The following VRK1 variants were observed in gnomAD, a reference collection of about 807,000 sequenced individuals.
The protein encoded by VRK1 is VRK serine/threonine kinase 1, also known as serine/threonine-protein kinase VRK1.
A neutral mutation model predicts 57.1 loss-of-function variants in VRK1; 33 were observed. The ratio of observed to expected loss-of-function variants is 0.58; its 90% CI spans 0.44 to 0.77. VRK1 has a LOEUF of 0.77. Ranked by LOEUF, VRK1 falls within the 30% of genes least tolerant of loss-of-function variation. The probability of loss-of-function intolerance (pLI) is 0.00; values close to 1 mark genes in which losing one functional copy is unlikely to be tolerated. For synonymous variants in VRK1, 137 were observed against 147.8 expected (o/e 0.93, Z 0.53); for missense variants, 413 against 477.3 (o/e 0.87, Z 1.25).
At chr14:96,851,798 G>A (rs1048360374) in intron 5 of VRK1, among the ~76,000 whole-genome samples, 4 of 152,180 alleles carry the variant, frequency 2.6e-5, no homozygotes, top group Middle Eastern at 3.2e-3. Flanking sequence ...TATGATAGGA[G>A]TTACCTACTT....
intron 12 of VRK1, chr14:96,877,596 A>G (rs1889096174): frequency 7.8e-7 from 1 of 1,289,012 alleles, no homozygotes; most frequent in Middle Eastern, 2.2e-4. Context: ...AAAATTAAGG[A>G]GTATTTATAA....
In VRK1 at chr14:96,827,269, G is replaced by T. The variant is rs543108139; in HGVS notation, c.-5-6198G>T. 4.6e-5 allele frequency among the ~76,000 whole-genome samples: 7 copies of T among 152,254 alleles called. No homozygotes were observed. The East Asian group carries it at 1.2e-3, about 25-fold the overall frequency. On this transcript the variant is annotated intron_variant, in intron 1 of 12. Transcript: ENST00000216639. Reference sequence around the variant, plus strand: ...TTGCTCTATTTATATACTCGAGCCAGACCTTTTAAATATTTTTTCTTTTCC... The same window carrying T: ...TTGCTCTATTTATATACTCGAGCCATACCTTTTAAATATTTTTTCTTTTCC...
intron 5 of VRK1, among the ~76,000 whole-genome samples, chr14:96,849,631 T>A (rs571259064): frequency 6.6e-6 from 1 of 152,178 alleles, no homozygotes; most frequent in African/African-American, 2.4e-5. Context: ...ACTGTGAAGA[T>A]GAATTGAAAA....
chr14:96,855,857 T>C (rs1888133632), intron 8 of VRK1, among the ~76,000 whole-genome samples: 1 of 152,160 alleles, frequency 6.6e-6, no homozygotes. Context: ...AAAGGAAAAC[T>C]AGTTTTATTT....
chr14:96,840,785 A>G (rs1421748336), intron 3 of VRK1, among the ~76,000 whole-genome samples: 3 of 152,060 alleles, frequency 2.0e-5, no homozygotes, highest in Admixed American at 2.0e-4. Flanking sequence ...TCTTGGAAGG[A>G]AAGTGTGCCA....
intron 1 of VRK1, among the ~76,000 whole-genome samples, chr14:96,809,569 T>TTGCTTG (rs1457131986): frequency 2.6e-5 from 2 of 77,682 alleles, no homozygotes; most frequent in African/African-American, 8.3e-5. Context: ...TTGCTTGCTT[T>TTGCTTG]CTTTTTTTTT....
At chr14:96,826,836 G>T (rs148308577) in intron 1 of VRK1, among the ~76,000 whole-genome samples, 102 of 152,270 alleles carry the variant, frequency 6.7e-4, no homozygotes, top group Non-Finnish European at 1.3e-3. Context: ...CCTCTTTTAA[G>T]AAATTGCCTG....
chr14:96,880,714 C>G (rs1889227373), intron 12 of VRK1, among the ~76,000 whole-genome samples: 1 of 152,176 alleles, frequency 6.6e-6, no homozygotes, highest in Admixed American at 6.5e-5. Flanking sequence ...TCTCCTGCCT[C>G]AAGGGTGTAG....
chr14:96,879,209 A>C (rs1490929891), intron 12 of VRK1, among the ~76,000 whole-genome samples: 2 of 148,712 alleles, frequency 1.3e-5, no homozygotes, highest in Non-Finnish European at 3.0e-5. Context: ...TATATTATGA[A>C]AATGGTTATA....
intron 3 of VRK1, among the ~76,000 whole-genome samples, chr14:96,845,211 C>CGT (rs1555360665): frequency 6.6e-6 from 1 of 151,946 alleles, no homozygotes; most frequent in East Asian, 1.9e-4. Context: ...GCTTTAAAAA[C>CGT]TTTTTTTAAT....
intron 1 of VRK1, among the ~76,000 whole-genome samples, chr14:96,809,501 G>A (rs1310078606): frequency 6.6e-6 from 1 of 150,774 alleles, no homozygotes; most frequent in African/African-American, 2.4e-5. Context: ...ATTTTGGTTG[G>A]GTATATATGT....
chr14:96,847,888 C>T (rs1308818957), intron 5 of VRK1, among the ~76,000 whole-genome samples: 1 of 152,124 alleles, frequency 6.6e-6, no homozygotes, highest in African/African-American at 2.4e-5. Context: ...ACTTACGTGT[C>T]TTAGGAGTTC....
chr14:96,834,766 C>T (rs1887149170), intron 2 of VRK1, among the ~76,000 whole-genome samples: 1 of 152,102 alleles, frequency 6.6e-6, no homozygotes, highest in African/African-American at 2.4e-5. Flanking sequence ...TTCCAGTGAA[C>T]TAGGCTGTAT....
At chr14:96,815,406 G>T (rs1434925767) in intron 1 of VRK1, among the ~76,000 whole-genome samples, 3 of 152,070 alleles carry the variant, frequency 2.0e-5, no homozygotes, top group African/African-American at 7.2e-5. Context: ...CAAAACTAGT[G>T]AAAGCCATTA....
chr14:96,807,045 A>C (rs904566608), intron 1 of VRK1, among the ~76,000 whole-genome samples: 2 of 152,114 alleles, frequency 1.3e-5, no homozygotes, highest in African/African-American at 4.8e-5. Context: ...AGAACTCACT[A>C]TCTCTAGGGC....
chr14:96,873,178 A>G (rs1216817816), intron 11 of VRK1, among the ~76,000 whole-genome samples: 4 of 152,264 alleles, frequency 2.6e-5, no homozygotes, highest in Admixed American at 2.6e-4. Context: ...TTGATGCTTG[A>G]CTTGGGAAGC....
At chr14:96,822,667 T>G (rs1886648151) in intron 1 of VRK1, among the ~76,000 whole-genome samples, 1 of 152,220 alleles carries the variant, frequency 6.6e-6, no homozygotes, top group South Asian at 2.1e-4. Flanking sequence ...TGTAAAATCT[T>G]TGGTGAGAAT....
chr14:96,802,053 A>C (rs1354914957), intron 1 of VRK1, among the ~76,000 whole-genome samples: 1 of 152,260 alleles, frequency 6.6e-6, no homozygotes, highest in Non-Finnish European at 1.5e-5. Flanking sequence ...TTTTTTAAAA[A>C]TAAGTTCAGG....
At chr14:96,866,566 T>C in intron 11 of VRK1, among the ~76,000 whole-genome samples, 1 of 152,288 alleles carries the variant, frequency 6.6e-6, no homozygotes, top group Admixed American at 6.5e-5. Flanking sequence ...GCCGTCTTTC[T>C]CCAGGTTTCT....
Sources: gnomAD v4.1 joint callset for allele counts (sites outside exome capture counted in the v4.1 genomes callset) on GRCh38, gnomAD v4.1.1 for gene constraint, MANE v1.5 for transcripts, NCBI Gene and HGNC (gene_info 2026-07-23, HGNC 2026-07-21) for gene names.